Variants in SHROOM3 observed in about 807,000 individuals in gnomAD.
SHROOM3 encodes protein Shroom3.
Under a neutral mutation model 138.6 loss-of-function variants are expected in SHROOM3, and 47 were observed. That is an observed-to-expected ratio of 0.34 (90% CI 0.27 to 0.43). The LOEUF (loss-of-function observed/expected upper bound fraction) is 0.43, where lower values mean the gene tolerates loss of function less well. Ranked by LOEUF, SHROOM3 falls within the 20% of genes least tolerant of loss-of-function variation. The pLI is 1.00. For missense variants in SHROOM3, 2,491 were observed against 2,596.5 expected (o/e 0.96, Z 0.88); for synonymous variants, 1,062 against 1,063.3 (o/e 1.00, Z 0.02).
chr4:76,497,980 C>T (rs757428433), intron 1 of SHROOM3, among the ~76,000 whole-genome samples: 18 of 152,184 alleles, frequency 1.2e-4, no homozygotes, highest in Non-Finnish European at 2.1e-4. Flanking sequence ...GTGAGGACTT[C>T]GGCTTTTCCT....
At chr4:76,644,165 A>T (rs1560577699) in intron 2 of SHROOM3, 1 of 151,502 alleles carries the variant, frequency 6.6e-6, no homozygotes, top group African/African-American at 2.4e-5. Flanking sequence ...TTTTATATAT[A>T]TAGGCTGCTG....
intron 2 of SHROOM3, among the ~76,000 whole-genome samples, chr4:76,620,665 G>A (rs1437942856): frequency 6.6e-6 from 1 of 152,110 alleles, no homozygotes; most frequent in African/African-American, 2.4e-5. Flanking sequence ...CCGACTACAG[G>A]GGATTAATAA....
At chr4:76,749,604 C>T (rs1231371878) in intron 6 of SHROOM3, among the ~76,000 whole-genome samples, 2 of 152,258 alleles carry the variant, frequency 1.3e-5, no homozygotes, top group Middle Eastern at 3.4e-3. Flanking sequence ...TAGGGAAGAA[C>T]GGGCATTTCA....
At chr4:76,468,862 T>C (rs1731303556) in intron 1 of SHROOM3, among the ~76,000 whole-genome samples, 1 of 151,674 alleles carries the variant, frequency 6.6e-6, no homozygotes, top group Non-Finnish European at 1.5e-5. Flanking sequence ...AAACCCCATC[T>C]CTACTAAAAA....
chr4:76,595,277 T>C (rs1028876246), intron 2 of SHROOM3, among the ~76,000 whole-genome samples: 1 of 152,228 alleles, frequency 6.6e-6, no homozygotes, highest in Non-Finnish European at 1.5e-5. Context: ...GATTACATAG[T>C]TGTTCATTTC....
At chr4:76,568,762 G>A (rs912245850) in intron 2 of SHROOM3, among the ~76,000 whole-genome samples, 4 of 152,136 alleles carry the variant, frequency 2.6e-5, no homozygotes, top group African/African-American at 9.7e-5. Flanking sequence ...TTGTTATTTG[G>A]AGGTTTGGAT....
At chr4:76,552,038 T>TG (rs1560543056) in intron 1 of SHROOM3, among the ~76,000 whole-genome samples, 1 of 49,462 alleles carries the variant, frequency 2.0e-5, no homozygotes, top group Admixed American at 1.5e-4. Context: ...ATTTTTTGTA[T>TG]CTTTAGTAGA....
At chr4:76,714,509 T>C (rs186612420) in intron 3 of SHROOM3, among the ~76,000 whole-genome samples, 191 of 152,342 alleles carry the variant, frequency 1.3e-3, no homozygotes, top group Middle Eastern at 0.01. Context: ...GTCTCATTAC[T>C]GGTGATGATT....
intron 1 of SHROOM3, among the ~76,000 whole-genome samples, chr4:76,541,439 G>A (rs1456785141): frequency 6.6e-6 from 1 of 152,156 alleles, no homozygotes. Context: ...GGGGATTGAG[G>A]CATGGCTGGG....
At chr4:76,542,777 G>A (rs13125974) in intron 1 of SHROOM3, among the ~76,000 whole-genome samples, 17,717 of 152,230 alleles carry the variant, frequency 0.12, 1,152 homozygotes, top group East Asian at 0.16. Flanking sequence ...TAAGCCGGTA[G>A]GTTTGCAGTG....
At chr4:76,657,004 C>T (rs1736077301) in intron 2 of SHROOM3, among the ~76,000 whole-genome samples, 1 of 152,042 alleles carries the variant, frequency 6.6e-6, no homozygotes, top group Non-Finnish European at 1.5e-5. Flanking sequence ...AAACCACCAT[C>T]TCTACTACTA....
intron 1 of SHROOM3, among the ~76,000 whole-genome samples, chr4:76,542,164 C>G (rs191083794): frequency 6.6e-6 from 1 of 152,272 alleles, no homozygotes; most frequent in East Asian, 1.9e-4. Flanking sequence ...TCAATAATCC[C>G]CAGCAGTAGG....
chr4:76,770,885 G>A lies in SHROOM3; in HGVS notation c.5609G>A (p.Ser1870Asn). The stretch of plus-strand genomic sequence containing the variant: ...CTTAGCGGCCTTGGTGAAGATGCCA[G>A]TAATGAAGAAAGGGTAGGTGGCCTA... Reference protein sequence around the residue: ...NVLSGLGEDASNEERSSLYEK... With the variant: ...NVLSGLGEDANNEERSSLYEK... The change falls in exon 10 of 11, where the codon AGT (serine) becomes AAT (asparagine). Residue 1870 changes from serine (S) to asparagine (N), a missense_variant. Physicochemically the swap from Ser to Asn is conservative, Grantham distance 46. This residue lies in a region of SHROOM3 where 470 missense variants were observed against 595.0 expected (regional missense o/e 0.79). Coordinates refer to ENST00000296043, the MANE Select transcript of SHROOM3 (RefSeq NM_020859.4). The A allele has an allele frequency of 1.2e-6, 2 of 1,614,250 alleles. No individual in the cohort carries two copies. Among genetic ancestry groups the A allele is most frequent in the Non-Finnish European group, 1.7e-6 (2 of 1,180,052 alleles).
At chr4:76,716,876 G>C (rs2110120926) in intron 3 of SHROOM3, among the ~76,000 whole-genome samples, 1 of 152,288 alleles carries the variant, frequency 6.6e-6, no homozygotes, top group Admixed American at 6.5e-5. Context: ...TATAAAGAAA[G>C]GGAAGTTTTT....
At chr4:76,580,070 G>A (rs1380683639) in intron 2 of SHROOM3, among the ~76,000 whole-genome samples, 1 of 152,194 alleles carries the variant, frequency 6.6e-6, no homozygotes, top group East Asian at 1.9e-4. Context: ...ACAAGATGCC[G>A]GGTTAGGAAA....
intron 4 of SHROOM3, among the ~76,000 whole-genome samples, chr4:76,737,414 G>A (rs1038870819): frequency 6.6e-6 from 1 of 152,120 alleles, no homozygotes; most frequent in Non-Finnish European, 1.5e-5. Context: ...TTGTGTGGAC[G>A]TGAGTTTTCA....
At chr4:76,641,991 C>T (rs1735684373) in intron 2 of SHROOM3, among the ~76,000 whole-genome samples, 1 of 152,070 alleles carries the variant, frequency 6.6e-6, no homozygotes, top group Non-Finnish European at 1.5e-5. Context: ...AGATCCAGCT[C>T]CATGTTTTTG....
Position 76,770,775 on chromosome 4 carries a change from G to A in SHROOM3, c.5499G>A (p.Lys1833=). The change falls in exon 10 of 11, where the codon AAG becomes AAA. Residue 1833 remains lysine (K), a synonymous_variant. Transcript: ENST00000296043. The part of the protein sequence containing the change: ...SELCKPNEFD[K]YRMFIGDLDK... ...TCTGCAAGCCCAATGAGTTTGACAA[G>A]TATAGGATGTTCATAGGGGATTTGG... 1.9e-6 allele frequency: 3 copies of A among 1,614,222 alleles called. No homozygotes were observed. Among genetic ancestry groups the A allele is most frequent in the Non-Finnish European group, 2.5e-6 (3 of 1,180,046 alleles).
intron 1 of SHROOM3, among the ~76,000 whole-genome samples, chr4:76,436,982 CAT>C (rs1328139612): frequency 3.3e-5 from 5 of 152,170 alleles, no homozygotes; most frequent in African/African-American, 7.2e-5. Flanking sequence ...GCTTTTCACA[CAT>C]GTGCATTCAT....
Sources: gnomAD v4.1 joint callset for allele counts (sites outside exome capture counted in the v4.1 genomes callset) on GRCh38, gnomAD v4.1.1 for gene constraint, gnomAD v4.1.1 regional missense constraint, MANE v1.5 for transcripts, NCBI Gene and HGNC (gene_info 2026-07-23, HGNC 2026-07-21) for gene names.